RBM33: variants seen among roughly 807,000 people sequenced by gnomAD.
RBM33 encodes the protein RNA-binding protein 33.
RBM33 carries 28 observed loss-of-function variants against 132.6 expected under a neutral mutation model. The ratio of observed to expected loss-of-function variants is 0.21; its 90% CI spans 0.16 to 0.29. The LOEUF is 0.29. Among genes scored for constraint, RBM33 ranks in the 10% least tolerant of loss-of-function variants. The pLI, the probability that RBM33 is intolerant of heterozygous loss-of-function variation, is 1.00. For missense variants in RBM33, 1,291 were observed against 1,518.5 expected, an observed-to-expected ratio of 0.85 and a Z score of 2.49; for synonymous variants, 634 against 593.0, an observed-to-expected ratio of 1.07 and a Z score of -1.01.
At chr7:155,723,046 G>A (rs1473886657) in intron 9 of RBM33, among the ~76,000 whole-genome samples, 2 of 152,150 alleles carry the variant, frequency 1.3e-5, no homozygotes, top group Non-Finnish European at 2.9e-5. Flanking sequence ...AACGAGGTTC[G>A]TATTTGTGTT....
chr7:155,700,289 C>T (rs909709641), intron 5 of RBM33, among the ~76,000 whole-genome samples: 6 of 152,108 alleles, frequency 3.9e-5, no homozygotes, highest in African/African-American at 4.8e-5. Context: ...ATCAGTAGAA[C>T]GGCACATTTG....
chr7:155,699,503 A>G (rs772056660), intron 5 of RBM33, among the ~76,000 whole-genome samples: 4 of 152,172 alleles, frequency 2.6e-5, no homozygotes, highest in African/African-American at 4.8e-5. Context: ...TCTGATTTCA[A>G]ACACTCAGTA....
intron 7 of RBM33, among the ~76,000 whole-genome samples, chr7:155,710,966 C>T (rs927484403): frequency 3.3e-5 from 5 of 149,978 alleles, no homozygotes; most frequent in African/African-American, 7.4e-5. Context: ...TTCCCTCTTG[C>T]GTGGGGATTG....
rs1801475498 is a variant in RBM33, at chr7:155,745,231, G to T, written c.2608G>T (p.Val870Leu). The T allele has an allele frequency of 6.2e-6, 10 of 1,612,618 alleles. No individual in the cohort carries two copies. Among genetic ancestry groups the T allele is most frequent in the Non-Finnish European group, 8.5e-6 (10 of 1,179,250 alleles). The stretch of plus-strand genomic sequence containing the variant: ...TCCAGGTGCACAGGTCAGACAAAAT[G>T]TGAAGAACAGACTTCTTGTTAAAAA... Reference protein sequence around the residue: ...PFPGAQVRQNVKNRLLVKNQD... With the variant: ...PFPGAQVRQNLKNRLLVKNQD... The change falls in exon 14 of 18, where the codon GTG becomes TTG. Residue 870 changes from valine (V) to leucine (L), a missense_variant. By Grantham distance (32) the Val-to-Leu change is conservative. Transcript: ENST00000401878. The surrounding 1 kb of genome is among the most constrained non-coding windows in gnomAD (Gnocchi z 4.1).
chr7:155,735,345 G>A (rs1033632206), intron 9 of RBM33, among the ~76,000 whole-genome samples: 1 of 152,222 alleles, frequency 6.6e-6, no homozygotes, highest in African/African-American at 2.4e-5. Flanking sequence ...GTAACAGTAT[G>A]TAACGGCGTG....
intron 5 of RBM33, among the ~76,000 whole-genome samples, chr7:155,698,259 C>T (rs577820712): frequency 3.6e-4 from 54 of 152,060 alleles, no homozygotes; most frequent in Admixed American, 5.9e-4. Context: ...CTCAGCTACT[C>T]GGGAGGCTGA....
intron 2 of RBM33, among the ~76,000 whole-genome samples, chr7:155,666,999 C>CT (rs1292555990): frequency 6.6e-6 from 1 of 152,112 alleles, no homozygotes; most frequent in Non-Finnish European, 1.5e-5. Context: ...CCCACTTGAC[C>CT]TTCTCTTACA....
At chr7:155,765,442 A>C (rs998857387) in intron 15 of RBM33, among the ~76,000 whole-genome samples, 9 of 152,160 alleles carry the variant, frequency 5.9e-5, no homozygotes, top group African/African-American at 1.9e-4. Context: ...CCTTCTTCAG[A>C]GTACTAAGAA....
intron 14 of RBM33, among the ~76,000 whole-genome samples, chr7:155,759,091 C>T (rs112225331): frequency 1.0e-3 from 157 of 152,294 alleles, no homozygotes; most frequent in Non-Finnish European, 1.5e-3. Flanking sequence ...CTTAGAAAGT[C>T]GTCAACGAGG....
At chr7:155,645,552 T>A (rs778002871) in intron 1 of RBM33, among the ~76,000 whole-genome samples, 1 of 152,240 alleles carries the variant, frequency 6.6e-6, no homozygotes, top group Non-Finnish European at 1.5e-5. Context: ...GTTTAGATAC[T>A]GAGTCAGTTC....
intron 1 of RBM33, among the ~76,000 whole-genome samples, chr7:155,655,534 C>CTTTTTTTTTTTTTTTT (rs756948005): frequency 1.2e-5 from 1 of 80,114 alleles, no homozygotes; most frequent in Non-Finnish European, 2.2e-5. Context: ...GGCTGTTTGC[C>CTTTTTTTTTTTTTTTT]TTTTTTTTTT....
chr7:155,661,124 GTGTGTGTA>G (rs1431806939), intron 1 of RBM33, among the ~76,000 whole-genome samples: 1 of 63,606 alleles, frequency 1.6e-5, no homozygotes, highest in African/African-American at 5.4e-5. Context: ...GTGTGTGTGT[GTGTGTGTA>G]TATATATATA....
intron 14 of RBM33, among the ~76,000 whole-genome samples, chr7:155,755,086 G>T (rs968245630): frequency 6.6e-6 from 1 of 152,152 alleles, no homozygotes; most frequent in Admixed American, 6.5e-5. Context: ...TAGAAACTTC[G>T]TACAGCATGC....
chr7:155,724,127 A>G (rs1563161477), intron 9 of RBM33, among the ~76,000 whole-genome samples: 1 of 152,134 alleles, frequency 6.6e-6, no homozygotes, highest in Non-Finnish European at 1.5e-5. Context: ...TGTCCTACAA[A>G]ACACACTGCT....
In RBM33 at chr7:155,777,383, C is replaced by G. The variant is rs531292650; in HGVS notation, c.*2342C>G. On this transcript the variant is annotated 3_prime_UTR_variant, in exon 18 of 18. Coordinates refer to ENST00000401878, the MANE Select transcript of RBM33 (RefSeq NM_053043.3). Reference sequence around the variant, plus strand: ...TAAAGCGCTGATTAGAACAGTCCAACACAGTCCGACCTCACTCAATACCCA... The same window carrying G: ...TAAAGCGCTGATTAGAACAGTCCAAGACAGTCCGACCTCACTCAATACCCA... The G allele has an allele frequency of 6.6e-6, 1 of 152,220 alleles. No homozygotes were observed. Among genetic ancestry groups the G allele is most frequent in the Non-Finnish European group, 1.5e-5 (1 of 68,038 alleles). The allele number at this position is 152,220 out of a possible 1,614,324, so 9.4% of individuals were successfully genotyped here.
chr7:155,680,561 C>CTTTTTTTTTTTTTTTTT, intron 4 of RBM33, 29 bp from the exon 5 acceptor site: 3 of 1,097,526 alleles, frequency 2.7e-6, no homozygotes, highest in Non-Finnish European at 3.7e-6. Context: ...TCATTGGGTG[C>CTTTTTTTTTTTTTTTTT]TTTTTTTTTT....
intron 1 of RBM33, among the ~76,000 whole-genome samples, chr7:155,645,615 A>G (rs1278442566): frequency 6.6e-6 from 1 of 152,224 alleles, no homozygotes; most frequent in East Asian, 1.9e-4. Flanking sequence ...TGAAACACCT[A>G]TCTCTAAAAA....
At chr7:155,717,544 G>C (rs1800501302) in intron 8 of RBM33, among the ~76,000 whole-genome samples, 1 of 143,020 alleles carries the variant, frequency 7.0e-6, no homozygotes, top group Admixed American at 6.9e-5. Context: ...TGGGGGCGGG[G>C]GGAGGGAGTT....
At chr7:155,660,429 T>C (rs1798609282) in intron 1 of RBM33, among the ~76,000 whole-genome samples, 1 of 152,218 alleles carries the variant, frequency 6.6e-6, no homozygotes, top group Non-Finnish European at 1.5e-5. Flanking sequence ...CTTCAGCATA[T>C]ATTTTTTGGG....
Sources: allele counts gnomAD v4.1 joint callset (sites outside exome capture counted in the v4.1 genomes callset), GRCh38; gene constraint gnomAD v4.1.1; non-coding constraint Gnocchi (gnomAD v3.1); transcripts MANE v1.5; gene names NCBI Gene and HGNC (gene_info 2026-07-23, HGNC 2026-07-21).